Variants in MYH10 observed in about 807,000 individuals in gnomAD.
The protein encoded by MYH10 is myosin heavy chain 10.
In MYH10, 55 loss-of-function variants were observed where a neutral mutation model predicts 257.8. The ratio of observed to expected loss-of-function variants is 0.21; its 90% CI spans 0.17 to 0.27. The LOEUF (loss-of-function observed/expected upper bound fraction) is 0.27, where lower values mean the gene tolerates loss of function less well. Ranked by LOEUF, MYH10 falls within the 10% of genes least tolerant of loss-of-function variation. The probability of loss-of-function intolerance (pLI) is 1.00; values close to 1 mark genes in which losing one functional copy is unlikely to be tolerated. For synonymous variants in MYH10, 854 were observed against 921.7 expected, an observed-to-expected ratio of 0.93 and a Z score of 1.33; for missense variants, 1,631 against 2,500.6, an observed-to-expected ratio of 0.65 and a Z score of 7.42.
At chr17:8,595,536 G>T (rs578233389) in intron 3 of MYH10, among the ~76,000 whole-genome samples, 4 of 148,106 alleles carry the variant, frequency 2.7e-5, no homozygotes, top group Non-Finnish European at 5.9e-5. Context: ...GGGTTCAAGC[G>T]ATTCTCCTGC....
chr17:8,569,885 G>A lies in MYH10; in HGVS notation c.664-73C>T. On this transcript the variant is annotated intron_variant, in intron 6 of 42. Transcript: ENST00000360416. This position sits in a 1 kb window ranked among gnomAD's most constrained non-coding sequence, Gnocchi z 4.1. ...TAATGTCTTTACTCAAGTCATCAGG[G>A]GAAAAATTTCTAAAAAAGAAACTGC... 2 of 1,159,298 alleles carry A rather than the reference G, an allele frequency of 1.7e-6. No homozygotes were observed. Among genetic ancestry groups the A allele is most frequent in the South Asian group, 1.6e-5 (1 of 61,356 alleles). The allele number at this position is 1,159,298 out of a possible 1,614,324, so 71.8% of individuals were successfully genotyped here.
At chr17:8,598,612 A>T (rs2084476043) in intron 3 of MYH10, among the ~76,000 whole-genome samples, 1 of 152,146 alleles carries the variant, frequency 6.6e-6, no homozygotes, top group African/African-American at 2.4e-5. Context: ...TTGTCTATAA[A>T]TCTTTCTTTC....
chr17:8,508,548 A>T lies in MYH10; in HGVS notation c.3214+6T>A. The T allele has an allele frequency of 6.2e-7, 1 of 1,614,042 alleles. No homozygotes were observed. Among genetic ancestry groups the T allele is most frequent in the East Asian group, 2.2e-5 (1 of 44,884 alleles). ...GTCCCTGATTTCTCTAGCCCCAAAT[A>T]CTAACCTTCTAAATCTGAGATCATC... is the stretch of plus-strand genomic sequence containing the variant. On this transcript the variant is annotated splice_donor_region_variant and intron_variant, in intron 26 of 42. Transcript: ENST00000360416.
intron 29 of MYH10, 98 bp from the exon 30 acceptor site, chr17:8,499,574 G>T: frequency 9.6e-7 from 1 of 1,045,726 alleles, no homozygotes; most frequent in South Asian, 1.4e-5. Context: ...CTAACACACA[G>T]TGAGTCTGTA....
chr17:8,614,204 T>C (rs1348720729), intron 2 of MYH10, among the ~76,000 whole-genome samples: 5 of 151,760 alleles, frequency 3.3e-5, no homozygotes, highest in African/African-American at 1.2e-4. Flanking sequence ...TATAAAAGAA[T>C]TGAAATTATT....
intron 37 of MYH10, among the ~76,000 whole-genome samples, chr17:8,483,886 C>G (rs1914296825): frequency 6.6e-6 from 1 of 152,240 alleles, no homozygotes; most frequent in Non-Finnish European, 1.5e-5. Context: ...TGAAAAGCTA[C>G]TCATCAGCTC....
intron 2 of MYH10, among the ~76,000 whole-genome samples, chr17:8,614,604 A>G: frequency 1.3e-5 from 2 of 152,138 alleles, no homozygotes; most frequent in East Asian, 3.9e-4. Flanking sequence ...GGCATGAGCC[A>G]CTGTGCCCAG....
chr17:8,603,596 A>G (rs1412131686), intron 3 of MYH10, among the ~76,000 whole-genome samples: 1 of 152,074 alleles, frequency 6.6e-6, no homozygotes, highest in Non-Finnish European at 1.5e-5. Context: ...TTCTTCTCCC[A>G]CATATGGCAC....
At chr17:8,605,099 T>C (rs1597954992) in intron 2 of MYH10, 117 bp from the exon 3 acceptor site, 3 of 519,090 alleles carry the variant, frequency 5.8e-6, no homozygotes, top group Non-Finnish European at 9.4e-6. Context: ...ACCTTTTGGA[T>C]AATTAATCTA....
At chr17:8,572,288 G>T (rs1050954616) in intron 6 of MYH10, among the ~76,000 whole-genome samples, 2 of 138,394 alleles carry the variant, frequency 1.4e-5, no homozygotes, top group African/African-American at 5.3e-5. Context: ...GAGAGAGAGA[G>T]ATCCACTGAT....
At chr17:8,619,686 G>A (rs2085393607) in intron 2 of MYH10, among the ~76,000 whole-genome samples, 2 of 152,150 alleles carry the variant, frequency 1.3e-5, no homozygotes, top group South Asian at 4.1e-4. Context: ...CACTCTGGGA[G>A]GCCAAGGCGG....
In MYH10 at chr17:8,492,347, G is replaced by T. The variant is rs1487966274; in HGVS notation, c.4621C>A (p.Arg1541=). The change falls in exon 34 of 43, where the codon CGA becomes AGA. Residue 1541 remains arginine, a synonymous_variant. Transcript: ENST00000360416. ...CTCATGAGGTCTTCCATGTCTGCTC[G>T]GAGCTGCTTGTTCTGCCTCTCAAAC... The part of the protein sequence containing the change: ...EEFERQNKQL[R]ADMEDLMSSK... 13 of 1,613,664 alleles carry T rather than the reference G, an allele frequency of 8.1e-6. No individual in the cohort carries two copies. The highest frequency in any genetic ancestry group is 1.1e-5 in the Non-Finnish European group (13 of 1,180,030).
At chr17:8,536,016 T>C (rs2082129871) in intron 14 of MYH10, 85 bp from the exon 15 acceptor site, 2 of 1,284,612 alleles carry the variant, frequency 1.6e-6, no homozygotes, top group East Asian at 2.4e-5. Context: ...TCTAAAACAA[T>C]TAGTTTTATG....
chr17:8,482,317 G>A lies in MYH10; in HGVS notation c.5176-907C>T, dbSNP rs1372895592. 2.0e-5 allele frequency among the ~76,000 whole-genome samples: 3 copies of A among 152,192 alleles called. No homozygotes were observed. The East Asian group carries it at 5.8e-4, about 29-fold the overall frequency. ...AGGTGTCTTAGGAGCAGGGCTGCAC[G>A]GGAGCTCCTCTGTCTGCTCCAGCAC... On this transcript the variant is annotated intron_variant, in intron 37 of 42. Transcript: ENST00000360416.
intron 40 of MYH10, 117 bp from the exon 41 acceptor site, chr17:8,478,563 C>T (rs1055632748): frequency 2.3e-6 from 2 of 858,328 alleles, no homozygotes; most frequent in Non-Finnish European, 3.7e-6. Flanking sequence ...GCATTATGGA[C>T]CTCTCTGTCC....
At chr17:8,493,677 G>T in intron 32 of MYH10, 56 bp downstream of exon 32, 1 of 1,551,340 alleles carries the variant, frequency 6.4e-7, no homozygotes. Flanking sequence ...AGCAGGGCCA[G>T]GATCTGCTGA....
chr17:8,607,419 A>G (rs1392758600), intron 2 of MYH10, among the ~76,000 whole-genome samples: 1 of 152,242 alleles, frequency 6.6e-6, no homozygotes, highest in Non-Finnish European at 1.5e-5. Flanking sequence ...ATAAGAGAGA[A>G]TAAGTCTCAC....
rs1191130695 is a variant in MYH10, at chr17:8,480,123, C to T, written c.5584G>A (p.Glu1862Lys). ...AAAACCTCTTACTTGGCTTCCTGCT[C>T]AAGCTGCTCCTCCAGCTGCCCAATC... is the stretch of plus-strand genomic sequence containing the variant. ...AKIGQLEEQL[E>K]QEAKERAAAN... Residue 1862 changes from glutamate to lysine, a missense_variant, in exon 40 of 43, where the codon GAG (glutamate) becomes AAG (lysine). By Grantham distance (56) the Glu-to-Lys change is moderately conservative. Around this residue, in one of 11 missense-constraint regions of MYH10, gnomAD observed 343 missense variants for 389.5 expected, o/e 0.88. Transcript: ENST00000360416. The T allele has an allele frequency of 6.2e-7, 1 of 1,614,164 alleles. No homozygotes were observed. The highest frequency in any genetic ancestry group is 8.5e-7 in the Non-Finnish European group (1 of 1,180,022).
intron 40 of MYH10, among the ~76,000 whole-genome samples, chr17:8,478,842 TGCCTCA>T (rs1913163971): frequency 6.6e-6 from 1 of 152,206 alleles, no homozygotes; most frequent in Non-Finnish European, 1.5e-5. Flanking sequence ...GCAATTCTCC[TGCCTCA>T]GCCTCCTGAG....
Sources: gnomAD v4.1 joint callset for allele counts (sites outside exome capture counted in the v4.1 genomes callset) on GRCh38, gnomAD v4.1.1 for gene constraint, gnomAD v4.1.1 regional missense constraint, Gnocchi (gnomAD v3.1) non-coding constraint, MANE v1.5 for transcripts, NCBI Gene and HGNC (gene_info 2026-07-23, HGNC 2026-07-21) for gene names.